AUTS2: variants seen among roughly 807,000 people sequenced by gnomAD.
AUTS2 encodes the protein autism susceptibility gene 2 protein.
A neutral mutation model predicts 112.4 loss-of-function variants in AUTS2; 17 were observed. That is an observed-to-expected ratio of 0.15 (90% CI 0.10 to 0.23). The LOEUF is 0.23. AUTS2 is among the 10% of genes least tolerant of loss of function. The pLI is 1.00. For missense variants in AUTS2, 1,510 were observed against 1,701.6 expected (o/e 0.89, Z 1.98); for synonymous variants, 751 against 702.7 (o/e 1.07, Z -1.09).
intron 2 of AUTS2, among the ~76,000 whole-genome samples, chr7:69,928,231 G>A (rs968988959): frequency 8.5e-5 from 13 of 152,154 alleles, no homozygotes; most frequent in Non-Finnish European, 1.8e-4. Flanking sequence ...TGGTCCATGG[G>A]CAGCCATGGG....
intron 2 of AUTS2, among the ~76,000 whole-genome samples, chr7:70,109,671 C>T (rs1304567512): frequency 6.6e-6 from 1 of 152,118 alleles, no homozygotes; most frequent in African/African-American, 2.4e-5. Context: ...ATAAAGCCTC[C>T]AGGTATCAGG....
intron 2 of AUTS2, among the ~76,000 whole-genome samples, chr7:69,973,394 C>T (rs1053412678): frequency 1.3e-5 from 2 of 152,068 alleles, no homozygotes; most frequent in African/African-American, 2.4e-5. Context: ...TTTATTTCTT[C>T]CTATCTGATA....
intron 5 of AUTS2, among the ~76,000 whole-genome samples, chr7:70,638,379 G>T (rs559777101): frequency 6.6e-6 from 1 of 152,296 alleles, no homozygotes; most frequent in East Asian, 1.9e-4. Flanking sequence ...AAGTTCAAAA[G>T]TGCGAGGATT....
intron 4 of AUTS2, among the ~76,000 whole-genome samples, chr7:70,203,922 A>C (rs1157907816): frequency 6.6e-6 from 1 of 151,912 alleles, no homozygotes; most frequent in Non-Finnish European, 1.5e-5. Flanking sequence ...TATGTTTTGA[A>C]AATAAATGAA....
At chr7:69,748,746 G>A (rs1364740212) in intron 1 of AUTS2, among the ~76,000 whole-genome samples, 2 of 152,166 alleles carry the variant, frequency 1.3e-5, no homozygotes, top group African/African-American at 4.8e-5. Context: ...TAGTGACTCA[G>A]GTTCTTAGAG....
chr7:69,856,315 G>A (rs1391843664), intron 1 of AUTS2, among the ~76,000 whole-genome samples: 2 of 152,122 alleles, frequency 1.3e-5, no homozygotes, highest in African/African-American at 4.8e-5. Context: ...GGAAGAAAGT[G>A]ATCACCAAGG....
chr7:70,364,401 A>C (rs1293631201), intron 4 of AUTS2, among the ~76,000 whole-genome samples: 1 of 151,780 alleles, frequency 6.6e-6, no homozygotes, highest in Non-Finnish European at 1.5e-5. Flanking sequence ...AGTCTCTACT[A>C]AAAATACAAA....
At chr7:69,877,514 C>T (rs1342776506) in intron 1 of AUTS2, among the ~76,000 whole-genome samples, 1 of 151,956 alleles carries the variant, frequency 6.6e-6, no homozygotes, top group Non-Finnish European at 1.5e-5. Flanking sequence ...GGGGTGTTAC[C>T]TGAGTATACT....
intron 5 of AUTS2, among the ~76,000 whole-genome samples, chr7:70,590,150 G>T (rs1370815110): frequency 4.1e-5 from 5 of 122,530 alleles, no homozygotes; most frequent in Non-Finnish European, 9.1e-5. Context: ...GTGTGTGTGT[G>T]TATGTATGTA....
chr7:69,666,306 A>G (rs148439353), intron 1 of AUTS2, among the ~76,000 whole-genome samples: 3 of 152,350 alleles, frequency 2.0e-5, no homozygotes, highest in East Asian at 1.9e-4. Context: ...AATGAATACT[A>G]TGTAATTAGG....
In AUTS2 at chr7:70,764,877, C is replaced by A; in HGVS notation, c.1340C>A (p.Thr447Asn). Residue 447 changes from threonine (T) to asparagine (N), a missense_variant, in exon 8 of 19, where the codon ACC becomes AAC. By Grantham distance (65) the Thr-to-Asn change is moderately conservative (BLOSUM62 0). Coordinates refer to ENST00000342771, the MANE Select transcript of AUTS2 (RefSeq NM_015570.4). ...NHSPLHSFTP[T>N]LQPPAHSHHP... ...AGCCCCCTGCACAGCTTCACACCCA[C>A]CCTCCAGCCCCCCGCACACTCACAT... is the stretch of plus-strand genomic sequence containing the variant. 2 of 1,594,824 alleles carry A rather than the reference C, an allele frequency of 1.3e-6. No homozygotes were observed. The highest frequency in any genetic ancestry group is 1.7e-6 in the Non-Finnish European group (2 of 1,169,524).
chr7:70,609,593 G>A (rs868503325), intron 5 of AUTS2, among the ~76,000 whole-genome samples: 2 of 141,038 alleles, frequency 1.4e-5, no homozygotes, highest in African/African-American at 2.8e-5. Flanking sequence ...TTTTTTTTTT[G>A]TTGTTTTGTT....
chr7:70,716,102 C>G (rs1481438283), intron 6 of AUTS2, among the ~76,000 whole-genome samples: 1 of 152,230 alleles, frequency 6.6e-6, no homozygotes, highest in Non-Finnish European at 1.5e-5. Context: ...CAACTGGGTA[C>G]TTTTCAGGAA....
At chr7:69,769,330 T>A (rs1383966302) in intron 1 of AUTS2, among the ~76,000 whole-genome samples, 1 of 152,204 alleles carries the variant, frequency 6.6e-6, no homozygotes, top group Non-Finnish European at 1.5e-5. Context: ...GTGTACACAG[T>A]GTCACTGGAA....
intron 2 of AUTS2, among the ~76,000 whole-genome samples, chr7:70,012,864 A>G (rs7797662): frequency 0.035 from 5,363 of 152,334 alleles, 134 homozygotes; most frequent in South Asian, 0.065. Flanking sequence ...AAAAAGATAA[A>G]TGATAATGTA....
intron 1 of AUTS2, among the ~76,000 whole-genome samples, chr7:69,641,326 C>T (rs1794787656): frequency 1.3e-5 from 2 of 152,244 alleles, no homozygotes; most frequent in South Asian, 4.1e-4. Context: ...TCTACTCATA[C>T]ATCAAGATTC....
chr7:69,904,572 C>G (rs1795084440), intron 2 of AUTS2, among the ~76,000 whole-genome samples: 1 of 152,098 alleles, frequency 6.6e-6, no homozygotes, highest in African/African-American at 2.4e-5. Flanking sequence ...TTCATACATA[C>G]TTTTGTTATA....
chr7:69,672,177 AG>A (rs1778730231), intron 1 of AUTS2, among the ~76,000 whole-genome samples: 1 of 151,962 alleles, frequency 6.6e-6, no homozygotes, highest in Non-Finnish European at 1.5e-5. Context: ...CTCCTGCCTC[AG>A]CCTCCTGAGT....
At chr7:69,753,605 T>C (rs1787830978) in intron 1 of AUTS2, among the ~76,000 whole-genome samples, 1 of 152,208 alleles carries the variant, frequency 6.6e-6, no homozygotes, top group Non-Finnish European at 1.5e-5. Flanking sequence ...TGGGTAATGT[T>C]TGTGAACAAC....
Sources: gnomAD v4.1 joint callset for allele counts (sites outside exome capture counted in the v4.1 genomes callset) on GRCh38, gnomAD v4.1.1 for gene constraint, MANE v1.5 for transcripts, NCBI Gene and HGNC (gene_info 2026-07-23, HGNC 2026-07-21) for gene names.